The following ABCC9 variants were observed in gnomAD, a reference collection of about 807,000 sequenced individuals.
ABCC9 encodes the protein ATP binding cassette subfamily C member 9, also known as ATP-binding cassette sub-family C member 9.
In ABCC9, 95 loss-of-function variants were observed where a neutral mutation model predicts 188.3. That is an observed-to-expected ratio of 0.50 (90% CI 0.43 to 0.60). The LOEUF (loss-of-function observed/expected upper bound fraction) is 0.60. Ranked by LOEUF, ABCC9 falls within the 20% of genes least tolerant of loss-of-function variation. ABCC9 has a pLI of 0.00. For missense variants in ABCC9, 1,102 were observed against 1,876.3 expected (o/e 0.59, Z 7.62); for synonymous variants, 659 against 652.7 (o/e 1.01, Z -0.15).
intron 39 of ABCC9, among the ~76,000 whole-genome samples, chr12:21,803,412 C>G (rs989011719): frequency 1.3e-5 from 2 of 151,988 alleles, no homozygotes; most frequent in African/African-American, 4.8e-5. Context: ...AATCCCAGCT[C>G]TTTGGGAGGG....
intron 3 of ABCC9, among the ~76,000 whole-genome samples, chr12:21,934,731 T>G (rs1375765844): frequency 6.6e-6 from 1 of 152,064 alleles, no homozygotes; most frequent in Non-Finnish European, 1.5e-5. Flanking sequence ...TTTTCTCATT[T>G]TTTGACTGTA....
intron 17 of ABCC9, among the ~76,000 whole-genome samples, chr12:21,873,833 T>C (rs1592123827): frequency 6.6e-6 from 1 of 151,962 alleles, no homozygotes; most frequent in Non-Finnish European, 1.5e-5. Flanking sequence ...AGAATAAAAT[T>C]GGAGCCTATA....
chr12:21,917,178 T>C (rs1254574681), intron 5 of ABCC9, 75 bp from the exon 6 acceptor site: 1 of 1,482,940 alleles, frequency 6.7e-7, no homozygotes, highest in African/African-American at 1.4e-5. Context: ...GTAATTATGA[T>C]GCTTTTTAAT....
chr12:21,891,759 A>C (rs1947171242), intron 14 of ABCC9, among the ~76,000 whole-genome samples: 1 of 152,180 alleles, frequency 6.6e-6, no homozygotes, highest in South Asian at 2.1e-4. Flanking sequence ...TGAGGGATTT[A>C]GAATTTCCAC....
At chr12:21,931,171 A>G (rs780259271) in intron 4 of ABCC9, among the ~76,000 whole-genome samples, 1 of 152,104 alleles carries the variant, frequency 6.6e-6, no homozygotes, top group Non-Finnish European at 1.5e-5. Context: ...ATGGGAGGTG[A>G]TTAGATAATG....
At chr12:21,861,196 T>C (rs1194585914) in intron 20 of ABCC9, 141 bp from the exon 21 acceptor site, 1 of 730,032 alleles carries the variant, frequency 1.4e-6, no homozygotes, top group Non-Finnish European at 2.4e-6. Context: ...TCTACATTTC[T>C]GGATACAAAG....
rs558051753 is a variant in ABCC9, at chr12:21,933,219, T to C, written c.284+563A>G. On this transcript the variant is annotated intron_variant, in intron 4 of 39. Transcript: ENST00000261200. ...AACAACACACACTGGGGCTTTTGCTTTTCAGAGGGTGGAGGGTAGGAGGAG... is the reference window on the plus strand; with the variant it reads ...AACAACACACACTGGGGCTTTTGCTCTTCAGAGGGTGGAGGGTAGGAGGAG... Among the ~76,000 whole-genome samples the C allele has an allele frequency of 1.8e-4, 28 of 151,744 alleles. No individual in the cohort carries two copies. In the South Asian group the frequency reaches 3.6e-3, roughly 19 times the overall value.
At chr12:21,857,688 A>C (rs1304977177) in intron 22 of ABCC9, among the ~76,000 whole-genome samples, 1 of 152,176 alleles carries the variant, frequency 6.6e-6, no homozygotes, top group Non-Finnish European at 1.5e-5. Context: ...GACTATGTAA[A>C]AATAGTCAGA....
At chr12:21,933,137 C>A (rs1461926018) in intron 4 of ABCC9, among the ~76,000 whole-genome samples, 2 of 151,544 alleles carry the variant, frequency 1.3e-5, no homozygotes, top group African/African-American at 4.9e-5. Flanking sequence ...AATAGAAAAC[C>A]AAATACCACA....
At chr12:21,935,417 G>A (rs1949447834) in intron 3 of ABCC9, among the ~76,000 whole-genome samples, 1 of 152,060 alleles carries the variant, frequency 6.6e-6, no homozygotes, top group South Asian at 2.1e-4. Context: ...ACCATATGAT[G>A]AGTTCTTTAA....
chr12:21,829,423 G>T (rs186802939), intron 30 of ABCC9, among the ~76,000 whole-genome samples: 3 of 151,864 alleles, frequency 2.0e-5, no homozygotes, highest in Admixed American at 6.6e-5. Context: ...GGATGGTCTC[G>T]ATCTCCTGAC....
intron 16 of ABCC9, among the ~76,000 whole-genome samples, chr12:21,882,241 T>A (rs1205577919): frequency 1.3e-5 from 2 of 152,038 alleles, no homozygotes; most frequent in Non-Finnish European, 2.9e-5. Flanking sequence ...CAACACTGAT[T>A]ACTCCCTTTT....
rs1043848392 is a variant in ABCC9 at position 21,816,056 on chromosome 12, T to G, written c.3893-163A>C. Among the ~76,000 whole-genome samples the G allele has an allele frequency of 5.6e-3, 670 of 119,052 alleles. 12 individuals are homozygous for G. Among genetic ancestry groups the G allele is most frequent in the South Asian group, 0.016 (63 of 3,840 alleles). The allele number at this position is 119,052 out of a possible 152,430, so 78.1% of individuals were successfully genotyped here. A position where few individuals can be genotyped will look rare whatever the true frequency, so the allele number is the denominator to read the frequency against. ...TGGCAGTTTTTTTTTTTTTTTTTTT[T>G]TTTTTTTTTTTTTTTTTTTTTTTTA... On this transcript the variant is annotated intron_variant, in intron 33 of 39. Coordinates refer to ENST00000261200, the MANE Select transcript of ABCC9 (RefSeq NM_020297.4).
chr12:21,901,442 T>G (rs895256530), intron 12 of ABCC9, among the ~76,000 whole-genome samples: 1 of 152,102 alleles, frequency 6.6e-6, no homozygotes, highest in East Asian at 1.9e-4. Flanking sequence ...AGGATCAAAT[T>G]TACACATAAC....
intron 15 of ABCC9, among the ~76,000 whole-genome samples, chr12:21,887,263 ATGAACTG>A (rs1190206996): frequency 6.6e-6 from 1 of 152,208 alleles, no homozygotes; most frequent in Non-Finnish European, 1.5e-5. Flanking sequence ...TCATGGATAA[ATGAACTG>A]GTCTACAACT....
In ABCC9 at chr12:21,798,117, T is replaced by C. The variant is rs1941241140; in HGVS notation, c.*2927A>G. ...TTACTCAACTTAAGTAACTAAAAGT[T>C]ATGAGGGGACCAGCAACCACTTGGC... On this transcript the variant is annotated 3_prime_UTR_variant, in exon 40 of 40. Transcript: ENST00000261200. 6.6e-6 allele frequency: 1 copy of C among 152,228 alleles called. No homozygotes were observed. Among genetic ancestry groups the C allele is most frequent in the South Asian group, 2.1e-4 (1 of 4,828 alleles). 9.4% of individuals were successfully genotyped at this position (152,228 alleles called of 1,614,324 possible).
intron 11 of ABCC9, among the ~76,000 whole-genome samples, chr12:21,907,592 C>T (rs1242579940): frequency 1.3e-5 from 2 of 151,960 alleles, no homozygotes; most frequent in Non-Finnish European, 2.9e-5. Flanking sequence ...GCCAAGTTGA[C>T]CAGAAATATA....
chr12:21,895,196 T>C, intron 13 of ABCC9, 79 bp downstream of exon 13: 1 of 1,238,524 alleles, frequency 8.1e-7, no homozygotes. Flanking sequence ...TATATATTAC[T>C]ACCCACACAT....
chr12:21,864,950 C>T (rs1945708430), intron 18 of ABCC9, among the ~76,000 whole-genome samples: 1 of 152,126 alleles, frequency 6.6e-6, no homozygotes, highest in African/African-American at 2.4e-5. Context: ...ACACAAAACA[C>T]ACTGGCCCCT....
Sources: allele counts gnomAD v4.1 joint callset (sites outside exome capture counted in the v4.1 genomes callset), GRCh38; gene constraint gnomAD v4.1.1; transcripts MANE v1.5; gene names NCBI Gene and HGNC (gene_info 2026-07-23, HGNC 2026-07-21).